The following PTPRA variants were observed in gnomAD, a reference collection of about 807,000 sequenced individuals.
PTPRA encodes the protein protein tyrosine phosphatase receptor type A, also known as receptor-type tyrosine-protein phosphatase alpha.
A neutral mutation model predicts 104.8 loss-of-function variants in PTPRA; 25 were observed. The ratio of observed to expected loss-of-function variants is 0.24; its 90% CI spans 0.17 to 0.33. PTPRA has a LOEUF of 0.33. PTPRA is among the 10% of genes least tolerant of loss of function. The pLI, the probability that PTPRA is intolerant of heterozygous loss-of-function variation, is 1.00. For synonymous variants in PTPRA, 323 were observed against 368.9 expected, an observed-to-expected ratio of 0.88 and a Z score of 1.43; for missense variants, 765 against 1,015.3, an observed-to-expected ratio of 0.75 and a Z score of 3.35.
intron 2 of PTPRA, among the ~76,000 whole-genome samples, chr20:2,925,310 A>G (rs1034134684): frequency 2.0e-5 from 3 of 152,230 alleles, no homozygotes; most frequent in African/African-American, 7.2e-5. Flanking sequence ...TTTGTTTCAC[A>G]TAGGTTTATT....
chr20:2,917,616 ATT>A (rs1165696125), intron 1 of PTPRA, among the ~76,000 whole-genome samples: 1 of 152,148 alleles, frequency 6.6e-6, no homozygotes, highest in Non-Finnish European at 1.5e-5. Flanking sequence ...TTTATCCAAC[ATT>A]TCTAGATTTT....
At chr20:2,986,897 C>T in intron 7 of PTPRA, 48 bp downstream of exon 7, 1 of 1,507,800 alleles carries the variant, frequency 6.6e-7, no homozygotes, top group East Asian at 2.3e-5. Context: ...TTTCAATATC[C>T]CAGTGTCCCA....
chr20:2,879,376 G>A (rs1319842216), intron 1 of PTPRA, among the ~76,000 whole-genome samples: 2 of 152,188 alleles, frequency 1.3e-5, no homozygotes. Context: ...TCCTGGGTGA[G>A]GCAGATGCTG....
At chr20:3,029,115 G>GGTT (rs1568708123) in intron 20 of PTPRA, among the ~76,000 whole-genome samples, 1 of 141,118 alleles carries the variant, frequency 7.1e-6, no homozygotes, top group Admixed American at 7.1e-5. Flanking sequence ...ATTACATCAG[G>GGTT]ATTTTTTTTT....
intron 1 of PTPRA, among the ~76,000 whole-genome samples, chr20:2,909,036 C>G (rs903057632): frequency 6.6e-6 from 1 of 152,202 alleles, no homozygotes; most frequent in African/African-American, 2.4e-5. Context: ...CCAGTCAGTA[C>G]AGTGGCTGAT....
At chr20:3,003,489 T>C (rs541617648) in intron 9 of PTPRA, among the ~76,000 whole-genome samples, 1 of 152,310 alleles carries the variant, frequency 6.6e-6, no homozygotes, top group South Asian at 2.1e-4. Context: ...AAATGTAATT[T>C]CCAAGTCACT....
chr20:3,009,680 G>A (rs1202444824), intron 11 of PTPRA, among the ~76,000 whole-genome samples: 2 of 152,146 alleles, frequency 1.3e-5, no homozygotes, highest in South Asian at 4.2e-4. Flanking sequence ...TAAGGAAAAT[G>A]GAGAAAGGCT....
chr20:2,970,914 C>T lies in PTPRA; in HGVS notation c.416-4301C>T, dbSNP rs528065623. Among the ~76,000 whole-genome samples the T allele has an allele frequency of 7.2e-5, 11 of 152,098 alleles. No individual in the cohort carries two copies. The East Asian group carries it at 1.5e-3, about 21-fold the overall frequency. The stretch of plus-strand genomic sequence containing the variant: ...CCAAATATCTAACTTGTCCCAATAC[C>T]CCTTAATAATTTATTTTTCCTCATT... On this transcript the variant is annotated intron_variant, in intron 5 of 23. Transcript: ENST00000399903.
intron 20 of PTPRA, among the ~76,000 whole-genome samples, chr20:3,030,422 G>A (rs935729044): frequency 2.0e-5 from 3 of 152,158 alleles, no homozygotes; most frequent in African/African-American, 7.2e-5. Flanking sequence ...TGTTAGTGAT[G>A]TTCTTTACAA....
chr20:2,924,361 C>T (rs2060215701), intron 2 of PTPRA, among the ~76,000 whole-genome samples: 1 of 152,112 alleles, frequency 6.6e-6, no homozygotes, highest in Admixed American at 6.6e-5. Context: ...GAGATCACGC[C>T]CCTGCACTCC....
At chr20:2,884,766 A>G (rs998742543) in intron 1 of PTPRA, among the ~76,000 whole-genome samples, 21 of 150,866 alleles carry the variant, frequency 1.4e-4, no homozygotes, top group Non-Finnish European at 2.5e-4. Context: ...CTAGGAGTGG[A>G]ACTGCTGAGT....
chr20:2,960,342 C>T (rs945735342), intron 3 of PTPRA, among the ~76,000 whole-genome samples: 5 of 151,510 alleles, frequency 3.3e-5, no homozygotes, highest in South Asian at 2.1e-4. Flanking sequence ...CTCCACCTCC[C>T]GGGTTCATGC....
intron 5 of PTPRA, among the ~76,000 whole-genome samples, chr20:2,973,041 G>A (rs1030921804): frequency 2.0e-5 from 3 of 151,978 alleles, no homozygotes; most frequent in African/African-American, 7.2e-5. Context: ...GTTTTCAAAT[G>A]TATTTGAATG....
chr20:3,005,983 C>CAA (rs1010820300), intron 10 of PTPRA, among the ~76,000 whole-genome samples: 1 of 137,612 alleles, frequency 7.3e-6, no homozygotes, highest in African/African-American at 2.6e-5. Flanking sequence ...ATTTGCTTTT[C>CAA]AAAAAAAAAA....
At chr20:2,949,646 G>A (rs1397825760) in intron 3 of PTPRA, among the ~76,000 whole-genome samples, 1 of 151,312 alleles carries the variant, frequency 6.6e-6, no homozygotes, top group African/African-American at 2.4e-5. Context: ...GAATAGAAGT[G>A]ATAGTAGATT....
chr20:2,935,458 A>G (rs1366582096), intron 2 of PTPRA, among the ~76,000 whole-genome samples: 1 of 152,246 alleles, frequency 6.6e-6, no homozygotes, highest in Non-Finnish European at 1.5e-5. Context: ...TGCAATGAAC[A>G]TAGTAGTACA....
At chr20:2,944,067 G>A (rs1235517579) in intron 2 of PTPRA, among the ~76,000 whole-genome samples, 2 of 146,544 alleles carry the variant, frequency 1.4e-5, no homozygotes, top group South Asian at 2.2e-4. Flanking sequence ...TTTAGACAGG[G>A]TCTCACTCTG....
chr20:3,032,978 A>G (rs2065579467), intron 20 of PTPRA, among the ~76,000 whole-genome samples: 1 of 151,020 alleles, frequency 6.6e-6, no homozygotes, highest in Non-Finnish European at 1.5e-5. Flanking sequence ...TCCTCAGAAC[A>G]CTTACTTCCG....
chr20:3,021,506 G>T (rs965221318), intron 14 of PTPRA, 78 bp downstream of exon 14: 5 of 1,571,950 alleles, frequency 3.2e-6, no homozygotes, highest in African/African-American at 1.3e-5. Context: ...GGATCATCCC[G>T]CTGTGGTCAG....
Sources: allele counts gnomAD v4.1 joint callset (sites outside exome capture counted in the v4.1 genomes callset), GRCh38; gene constraint gnomAD v4.1.1; transcripts MANE v1.5; gene names NCBI Gene and HGNC (gene_info 2026-07-23, HGNC 2026-07-21).